ACOXL: variants seen among roughly 807,000 people sequenced by gnomAD.
ACOXL encodes the protein acyl-CoA oxidase like.
A neutral mutation model predicts 71.9 loss-of-function variants in ACOXL; 70 were observed. The observed-to-expected ratio is 0.97, with a 90% CI of 0.80 to 1.19. The LOEUF is 1.19. Among genes scored for constraint, ACOXL ranks in the 50% most tolerant of loss-of-function variants. The probability of loss-of-function intolerance (pLI) is 0.00; values close to 1 mark genes in which losing one functional copy is unlikely to be tolerated. For missense variants in ACOXL, 703 were observed against 736.3 expected, an observed-to-expected ratio of 0.95 and a Z score of 0.52; for synonymous variants, 253 against 281.6, an observed-to-expected ratio of 0.90 and a Z score of 1.02.
At chr2:110,856,181 A>G (rs547078216) in intron 10 of ACOXL, among the ~76,000 whole-genome samples, 63 of 152,238 alleles carry the variant, frequency 4.1e-4, no homozygotes, top group African/African-American at 1.5e-3. Context: ...GCATTTTACA[A>G]TCCTCTCCTA....
At chr2:110,999,557 A>G in intron 14 of ACOXL, among the ~76,000 whole-genome samples, 1 of 152,148 alleles carries the variant, frequency 6.6e-6, no homozygotes, top group East Asian at 1.9e-4. Flanking sequence ...TGATAGTCAC[A>G]GCCTTGAGTG....
At chr2:110,826,520 T>C (rs1290464245) in intron 9 of ACOXL, among the ~76,000 whole-genome samples, 1 of 152,130 alleles carries the variant, frequency 6.6e-6, no homozygotes. Context: ...CCCATAGGTG[T>C]GTTATTGCCC....
intron 10 of ACOXL, among the ~76,000 whole-genome samples, chr2:110,864,585 C>T (rs370309145): frequency 2.0e-5 from 3 of 152,338 alleles, no homozygotes; most frequent in East Asian, 1.9e-4. Context: ...TATCTTACCT[C>T]TTATATTCTT....
chr2:110,917,685 G>T (rs545667687), intron 11 of ACOXL, among the ~76,000 whole-genome samples: 35 of 152,242 alleles, frequency 2.3e-4, no homozygotes, highest in Non-Finnish European at 3.5e-4. Flanking sequence ...CTCCTTAAGC[G>T]TATAAGCAAC....
At chr2:111,097,232 GA>G (rs1391966606) in intron 17 of ACOXL, among the ~76,000 whole-genome samples, 7 of 151,076 alleles carry the variant, frequency 4.6e-5, no homozygotes, top group African/African-American at 1.5e-4. Context: ...AGAAAAGTTG[GA>G]AAAAAAAATC....
At chr2:110,740,847 T>G (rs1016535379) in intron 1 of ACOXL, among the ~76,000 whole-genome samples, 2 of 152,174 alleles carry the variant, frequency 1.3e-5, no homozygotes, top group African/African-American at 4.8e-5. Context: ...CACTGGGATG[T>G]CAGCGTGTTT....
chr2:111,118,194 T>C lies in ACOXL; in HGVS notation c.*378T>C, dbSNP rs2070482068. The C allele has an allele frequency of 3.3e-6, 1 of 299,498 alleles. No homozygotes were observed. Among genetic ancestry groups the C allele is most frequent in the African/African-American group, 2.2e-5 (1 of 44,618 alleles). The allele number at this position is 299,498 out of a possible 1,614,324, so 18.6% of individuals were successfully genotyped here. ...TAGCGGTGACTCACATTCCCAGTGATTTAGAAAAACTGTGGTGCCGAGTGA... is the reference window on the plus strand; with the variant it reads ...TAGCGGTGACTCACATTCCCAGTGACTTAGAAAAACTGTGGTGCCGAGTGA... On this transcript the variant is annotated 3_prime_UTR_variant, in exon 18 of 18. Coordinates refer to ENST00000439055, the MANE Select transcript of ACOXL (RefSeq NM_001142807.4).
chr2:110,854,589 C>G (rs1205494609), intron 10 of ACOXL, among the ~76,000 whole-genome samples: 1 of 152,116 alleles, frequency 6.6e-6, no homozygotes, highest in Non-Finnish European at 1.5e-5. Context: ...GAAGGGCAGG[C>G]CATGCTCATG....
chr2:111,087,770 T>C (rs1187096022), intron 16 of ACOXL, among the ~76,000 whole-genome samples: 1 of 152,150 alleles, frequency 6.6e-6, no homozygotes. Context: ...CCAAAAGCAA[T>C]TAAAACAGAA....
intron 17 of ACOXL, among the ~76,000 whole-genome samples, chr2:111,110,643 A>G (rs2069879159): frequency 6.6e-6 from 1 of 152,128 alleles, no homozygotes. Context: ...CCTGTCCCCA[A>G]AACAGGCACC....
chr2:110,857,316 G>A (rs1053966564), intron 10 of ACOXL, among the ~76,000 whole-genome samples: 5 of 152,062 alleles, frequency 3.3e-5, no homozygotes, highest in Non-Finnish European at 5.9e-5. Context: ...CTTTTTTTCC[G>A]GAAACCCTTC....
At chr2:110,775,988 G>GCC (rs1682583854) in intron 2 of ACOXL, among the ~76,000 whole-genome samples, 1 of 152,192 alleles carries the variant, frequency 6.6e-6, no homozygotes, top group Non-Finnish European at 1.5e-5. Context: ...ATTCCCAATA[G>GCC]CCAAAAGGTA....
intron 10 of ACOXL, among the ~76,000 whole-genome samples, chr2:110,900,742 T>C (rs2059201894): frequency 6.6e-6 from 1 of 152,180 alleles, no homozygotes; most frequent in Admixed American, 6.5e-5. Context: ...TTATTTTAAG[T>C]AGGTTTGAAC....
intron 6 of ACOXL, 125 bp downstream of exon 6, chr2:110,798,849 G>A: frequency 1.8e-6 from 2 of 1,140,392 alleles, no homozygotes; most frequent in Non-Finnish European, 2.6e-6. Flanking sequence ...CTCCTAATAT[G>A]CATGAAGAAA....
At chr2:110,852,595 A>G (rs751553231) in intron 10 of ACOXL, among the ~76,000 whole-genome samples, 11 of 152,194 alleles carry the variant, frequency 7.2e-5, no homozygotes, top group African/African-American at 1.2e-4. Flanking sequence ...ATGTGGCTCA[A>G]ACTACTTACA....
At chr2:110,825,829 A>G (rs562414176) in intron 9 of ACOXL, among the ~76,000 whole-genome samples, 1 of 152,166 alleles carries the variant, frequency 6.6e-6, no homozygotes, top group African/African-American at 2.4e-5. Flanking sequence ...TGGAATCCTG[A>G]AAAATATTCA....
At chr2:111,021,013 A>G (rs1346363996) in intron 14 of ACOXL, among the ~76,000 whole-genome samples, 3 of 152,266 alleles carry the variant, frequency 2.0e-5, no homozygotes, top group Admixed American at 2.0e-4. Flanking sequence ...TTCTAGGAAA[A>G]TGTGTTGTGA....
At chr2:110,830,406 T>C (rs1370801112) in intron 9 of ACOXL, among the ~76,000 whole-genome samples, 1 of 152,140 alleles carries the variant, frequency 6.6e-6, no homozygotes, top group Non-Finnish European at 1.5e-5. Context: ...TAAAAATACG[T>C]GTCTCTTTCC....
intron 8 of ACOXL, among the ~76,000 whole-genome samples, chr2:110,802,410 C>T (rs1686117099): frequency 6.6e-6 from 1 of 152,184 alleles, no homozygotes; most frequent in African/African-American, 2.4e-5. Flanking sequence ...CAGTAAAGAT[C>T]CTGAGCCATA....
Sources: gnomAD v4.1 joint callset for allele counts (sites outside exome capture counted in the v4.1 genomes callset) on GRCh38, gnomAD v4.1.1 for gene constraint, MANE v1.5 for transcripts, NCBI Gene and HGNC (gene_info 2026-07-23, HGNC 2026-07-21) for gene names.